The following LMF1 variants were observed in gnomAD, a reference collection of about 807,000 sequenced individuals.
LMF1 encodes lipase maturation factor 1.
A neutral mutation model predicts 60.6 loss-of-function variants in LMF1; 68 were observed. The observed-to-expected ratio is 1.12, with a 90% confidence interval of 0.92 to 1.37. LMF1 has a LOEUF of 1.37. Ranked by LOEUF, LMF1 falls within the 40% of genes most tolerant of loss-of-function variation. The probability of loss-of-function intolerance (pLI) is 0.00; values close to 1 mark genes in which losing one functional copy is unlikely to be tolerated. For synonymous variants in LMF1, 418 were observed against 324.7 expected, an observed-to-expected ratio of 1.29 and a Z score of -3.09; for missense variants, 948 against 767.2, an observed-to-expected ratio of 1.24 and a Z score of -2.78.
At chr16:902,432 G>A (rs56245114) in intron 4 of LMF1, 53,825 of 153,100 alleles carry the variant, frequency 0.35, 11,491 homozygotes, top group African/African-American at 0.59. Flanking sequence ...GAGAGGATGC[G>A]GCTTCCTGCA....
intron 10 of LMF1, among the ~76,000 whole-genome samples, chr16:868,356 C>G (rs1164726223): frequency 1.3e-5 from 2 of 152,142 alleles, no homozygotes; most frequent in African/African-American, 4.8e-5. Flanking sequence ...CCCTGTGCAC[C>G]CCAGCTCCCC....
chr16:909,231 G>A (rs539970828), intron 4 of LMF1, among the ~76,000 whole-genome samples: 1 of 152,310 alleles, frequency 6.6e-6, no homozygotes, highest in South Asian at 2.1e-4. Flanking sequence ...TGAGACGCAG[G>A]GATGTGAGTG....
intron 1 of LMF1, chr16:979,383 C>A: frequency 2.8e-6 from 1 of 351,620 alleles, no homozygotes; most frequent in Non-Finnish European, 5.6e-6. Flanking sequence ...GCCCCCACCA[C>A]CCCGCCACAG....
At chr16:933,560 C>T in intron 3 of LMF1, 14 of 186,366 alleles carry the variant, frequency 7.5e-5, no homozygotes, top group South Asian at 3.6e-4. Context: ...GAGGCCCAGG[C>T]CAGGGCCTTT....
chr16:856,126 C>A (rs531203561), intron 10 of LMF1: 1 of 371,938 alleles, frequency 2.7e-6, no homozygotes, highest in Admixed American at 3.4e-5. Context: ...CCCGGGCAGC[C>A]AAGACTGAGG....
intron 4 of LMF1, among the ~76,000 whole-genome samples, chr16:906,721 T>G (rs2070981835): frequency 1.3e-5 from 2 of 152,250 alleles, no homozygotes; most frequent in South Asian, 4.1e-4. Context: ...CAGTAAATCC[T>G]GGAATCAAGT....
chr16:861,419 G>A (rs138019984), intron 10 of LMF1, among the ~76,000 whole-genome samples: 42 of 140,358 alleles, frequency 3.0e-4, no homozygotes, highest in African/African-American at 4.3e-4. Flanking sequence ...GTGCAGTGAC[G>A]CAATCTCAGC....
chr16:890,289 C>T lies in LMF1; in HGVS notation c.729+2718G>A, dbSNP rs566178936. 2.0e-5 allele frequency among the ~76,000 whole-genome samples: 3 copies of T among 152,342 alleles called. No homozygotes were observed. The South Asian group carries it at 6.2e-4, about 32-fold the overall frequency. ...ACTCGCTCCTGGAGCCCCAAGGGGC[C>T]CCCGGGAAGCAAGAAAAGGGGCTCC... On this transcript the variant is annotated intron_variant, in intron 5 of 10. Coordinates refer to ENST00000262301, the MANE Select transcript of LMF1 (RefSeq NM_022773.4).
chr16:872,356 G>C (rs2069823414), intron 6 of LMF1: 1 of 152,262 alleles, frequency 6.6e-6, no homozygotes, highest in Non-Finnish European at 1.5e-5. Context: ...GGACTCGTGA[G>C]GGCAGCCACA....
At chr16:933,668 T>C (rs561555339) in intron 3 of LMF1, 369 of 271,106 alleles carry the variant, frequency 1.4e-3, no homozygotes, top group Non-Finnish European at 2.2e-3. Context: ...GAGTCAGGTC[T>C]GCTTACCAAG....
At chr16:949,788 T>A in intron 2 of LMF1, among the ~76,000 whole-genome samples, 2 of 91,840 alleles carry the variant, frequency 2.2e-5, no homozygotes, top group Admixed American at 1.1e-4. Flanking sequence ...AATGACAGAG[T>A]CAGAGCCAAC....
At chr16:933,270 G>C (rs1324013489) in intron 3 of LMF1, 1 of 152,236 alleles carries the variant, frequency 6.6e-6, no homozygotes, top group Non-Finnish European at 1.5e-5. Context: ...TTAAAATCAG[G>C]AATAAGGTTC....
At chr16:879,788 G>A (rs1337492764) in intron 5 of LMF1, 51 bp from the exon 6 acceptor site, 2 of 1,527,106 alleles carry the variant, frequency 1.3e-6, no homozygotes, top group South Asian at 1.2e-5. Flanking sequence ...CGGGGGGCGG[G>A]GCTAGGGAGA....
intron 2 of LMF1, among the ~76,000 whole-genome samples, chr16:937,874 AC>A (rs2071988053): frequency 6.6e-6 from 1 of 151,960 alleles, no homozygotes; most frequent in Non-Finnish European, 1.5e-5. Flanking sequence ...TTAATCATGA[AC>A]CATGTCCTCC....
rs7192248 is a variant in LMF1 at position 962,914 on chromosome 16, A to G, written c.193+7874T>C. 0.022 allele frequency among the ~76,000 whole-genome samples: 3,379 copies of G among 152,288 alleles called. 118 individuals carry two copies. The highest frequency in any genetic ancestry group is 0.076 in the African/African-American group (3,169 of 41,554). ...GCTGTGAGCAGCCTCCCTCCAAGGC[A>G]GTGGGAGCAGGGCCACAGGCAGAGC... is the stretch of plus-strand genomic sequence containing the variant. On this transcript the variant is annotated intron_variant, in intron 1 of 10. Transcript: ENST00000262301. This position sits in a 1 kb window ranked among gnomAD's most constrained non-coding sequence, Gnocchi z 4.5.
At chr16:968,160 G>C (rs529759099) in intron 1 of LMF1, among the ~76,000 whole-genome samples, 2 of 152,218 alleles carry the variant, frequency 1.3e-5, no homozygotes, top group African/African-American at 4.8e-5. Context: ...GTGGGAAGGA[G>C]CCAGCCCCAG....
At chr16:927,134 G>A (rs1020741227) in intron 3 of LMF1, among the ~76,000 whole-genome samples, 1 of 152,218 alleles carries the variant, frequency 6.6e-6, no homozygotes, top group African/African-American at 2.4e-5. Context: ...ACCAAGGGCC[G>A]CTCATGGTGA....
At chr16:940,808 A>C (rs1245436074) in intron 2 of LMF1, among the ~76,000 whole-genome samples, 4 of 152,186 alleles carry the variant, frequency 2.6e-5, no homozygotes, top group Non-Finnish European at 5.9e-5. Context: ...AATTATGTCA[A>C]AGTGGCCGAT....
At chr16:949,040 GCCAACGAC>G (rs2072349946) in intron 2 of LMF1, among the ~76,000 whole-genome samples, 1 of 142,664 alleles carries the variant, frequency 7.0e-6, no homozygotes, top group African/African-American at 2.7e-5. Flanking sequence ...GACAGAGTCA[GCCAACGAC>G]AGAGTCAGAG....
Sources: gnomAD v4.1 joint callset for allele counts (sites outside exome capture counted in the v4.1 genomes callset) on GRCh38, gnomAD v4.1.1 for gene constraint, Gnocchi (gnomAD v3.1) non-coding constraint, MANE v1.5 for transcripts, NCBI Gene and HGNC (gene_info 2026-07-23, HGNC 2026-07-21) for gene names.